The following STK40 variants were observed in gnomAD, a reference collection of about 807,000 sequenced individuals.
The protein encoded by STK40 is serine/threonine-protein kinase 40.
Under a neutral mutation model 47.9 loss-of-function variants are expected in STK40, and 13 were observed. That is an observed-to-expected ratio of 0.27 (90% CI 0.18 to 0.43). The LOEUF is 0.43. Among genes scored for constraint, STK40 ranks in the 20% least tolerant of loss-of-function variants. STK40 has a pLI of 1.00. For synonymous variants in STK40, 225 were observed against 243.2 expected, an observed-to-expected ratio of 0.93 and a Z score of 0.69; for missense variants, 460 against 595.1, an observed-to-expected ratio of 0.77 and a Z score of 2.36.
intron 1 of STK40, chr1:36,372,827 C>G (rs1201693578): frequency 2.6e-5 from 4 of 152,318 alleles, no homozygotes; most frequent in East Asian, 1.9e-4. Context: ...CCTCCACCAG[C>G]CAACAGGCAG....
In STK40 at chr1:36,358,275, C is replaced by A; in HGVS notation, c.306G>T (p.Thr102=). Residue 102 remains threonine (T), a synonymous_variant, in exon 4 of 11, where the codon ACG becomes ACT. Coordinates refer to ENST00000373132, the MANE Select transcript of STK40 (RefSeq NM_001282547.2). ...TEYSLLSLLH[T]QDGVVHHHGL... is the part of the protein sequence containing the mutation. Reference sequence around the variant, plus strand: ...CGTGGTGGTGCACCACGCCATCCTGCGTGTGCAGGAGAGACAGCAGTGAGT... The same window carrying A: ...CGTGGTGGTGCACCACGCCATCCTGAGTGTGCAGGAGAGACAGCAGTGAGT... 6.2e-7 allele frequency: 1 copy of A among 1,601,620 alleles called. No individual in the cohort carries two copies. The highest frequency in any genetic ancestry group is 1.1e-5 in the South Asian group (1 of 90,716).
At position 36,341,743 on chromosome 1, in the gene STK40, CGGCTGA is replaced by C. The variant is rs1557502142; in HGVS notation, c.*6_*11del. 2 of 1,608,694 alleles carry C rather than the reference CGGCTGA, an allele frequency of 1.2e-6. No individual in the cohort carries two copies. Among genetic ancestry groups the C allele is most frequent in the Non-Finnish European group, 1.7e-6 (2 of 1,177,524 alleles). ...GAAGTGGCAGCAGTGCTGGTGGCCC[CGGCTGA>C]GGCTGTTATTTCCGCAGGTAGCGCT... On this transcript the variant is annotated 3_prime_UTR_variant, in exon 11 of 11. Coordinates refer to ENST00000373132, the MANE Select transcript of STK40 (RefSeq NM_001282547.2).
intron 10 of STK40, chr1:36,342,908 T>G: frequency 2.1e-6 from 1 of 472,036 alleles, no homozygotes; most frequent in African/African-American, 2.0e-5. Flanking sequence ...TCACCTGCCC[T>G]CTGCTGCCTG....
intron 10 of STK40, chr1:36,342,203 G>A (rs1304302285): frequency 1.8e-6 from 1 of 565,476 alleles, no homozygotes; most frequent in Non-Finnish European, 3.2e-6. Context: ...ACCCGGGACT[G>A]ACGCAGACTC....
In STK40 at chr1:36,341,936, T is replaced by C; in HGVS notation, c.1127A>G (p.Glu376Gly). The C allele has an allele frequency of 6.2e-7, 1 of 1,614,000 alleles. No homozygotes were observed. Among genetic ancestry groups the C allele is most frequent in the Non-Finnish European group, 8.5e-7 (1 of 1,179,934 alleles). ...VTEECSQYEFENYMRQQLLLA... is the reference protein window; with the variant it reads ...VTEECSQYEFGNYMRQQLLLA... ...CAGCAGCTGCTGACGCATGTAGTTCTCAAACTCGTACTGGGAGCACTCCTC... is the reference window on the plus strand; with the variant it reads ...CAGCAGCTGCTGACGCATGTAGTTCCCAAACTCGTACTGGGAGCACTCCTC... Residue 376 changes from glutamate (E) to glycine (G), a missense_variant, in exon 11 of 11, where the codon GAG becomes GGG. Around this residue, in one of 3 missense-constraint regions of STK40, gnomAD observed 181 missense variants for 218.9 expected, o/e 0.83. Transcript: ENST00000373132.
chr1:36,376,929 C>T lies in STK40; in HGVS notation c.-9+8794G>A, dbSNP rs112045026. ...TAGCTGGGATTATAGGTGCTCACCA[C>T]CACACCTGGCTTTTTGTATTTTTAG... On this transcript the variant is annotated intron_variant, in intron 1 of 10. Transcript: ENST00000373132. Among the ~76,000 whole-genome samples, 414 of 151,956 alleles carry T rather than the reference C, an allele frequency of 2.7e-3. 4 individuals carry two copies. The highest frequency in any genetic ancestry group is 9.6e-3 in the African/African-American group (399 of 41,436).
rs1003336427 is a variant in STK40, at chr1:36,340,754, A to G, written c.*1001T>C. 2 of 152,412 alleles carry G rather than the reference A, an allele frequency of 1.3e-5. No homozygotes were observed. The highest frequency in any genetic ancestry group is 2.4e-5 in the African/African-American group (1 of 41,458). 9.4% of individuals were successfully genotyped at this position (152,412 alleles called of 1,614,324 possible). A position where few individuals can be genotyped will look rare whatever the true frequency, so the allele number is the denominator to read the frequency against. ...GTCTACCGGGAGAGTCACCACATCT[A>G]TTATGAGGCAAGGGCACTGGGATAT... On this transcript the variant is annotated 3_prime_UTR_variant, in exon 11 of 11. Coordinates refer to ENST00000373132, the MANE Select transcript of STK40 (RefSeq NM_001282547.2).
chr1:36,356,443 T>TGA (rs1646805749), intron 4 of STK40, among the ~76,000 whole-genome samples: 1 of 144,274 alleles, frequency 6.9e-6, no homozygotes, highest in Non-Finnish European at 1.5e-5. Flanking sequence ...TTTTTTTTTG[T>TGA]GAGACGGAGT....
At chr1:36,359,608 C>CT in intron 2 of STK40, among the ~76,000 whole-genome samples, 1 of 152,352 alleles carries the variant, frequency 6.6e-6, no homozygotes, top group East Asian at 1.9e-4. Flanking sequence ...CTTGCCCAAG[C>CT]TTTGAGAGTG....
chr1:36,363,168 G>A (rs978690691), intron 1 of STK40, among the ~76,000 whole-genome samples: 2 of 151,814 alleles, frequency 1.3e-5, no homozygotes, highest in Non-Finnish European at 2.9e-5. Context: ...AAAAAAATTA[G>A]CTGGGCATGA....
intron 1 of STK40, among the ~76,000 whole-genome samples, chr1:36,368,527 C>T (rs1445650008): frequency 6.6e-6 from 1 of 152,202 alleles, no homozygotes; most frequent in Non-Finnish European, 1.5e-5. Flanking sequence ...GCTAGGATTA[C>T]AGGCGTGAGC....
intron 6 of STK40, among the ~76,000 whole-genome samples, chr1:36,353,936 T>C (rs534768989): frequency 2.0e-5 from 3 of 152,284 alleles, no homozygotes; most frequent in East Asian, 1.9e-4. Flanking sequence ...AAAAAATATA[T>C]ATATTTTTGT....
At position 36,361,250 on chromosome 1, in the gene STK40, T is replaced by G. The variant is rs1646849993; in HGVS notation, c.83A>C (p.Asn28Thr). The change falls in exon 2 of 11, where the codon AAT becomes ACT. Residue 28 changes from asparagine to threonine, a missense_variant. By Grantham distance (65) the Asn-to-Thr change is moderately conservative. Around this residue, in one of 3 missense-constraint regions of STK40, gnomAD observed 277 missense variants for 358.7 expected, o/e 0.77. Transcript: ENST00000373132. The stretch of plus-strand genomic sequence containing the variant: ...GATGAATGGTCCAGCTCTCTTTGCA[T>G]TATTTCCAGAAATCCCACTTCCTAG... ...KALGSGISGN[N>T]AKRAGPFILG... 2 of 1,614,110 alleles carry G rather than the reference T, an allele frequency of 1.2e-6. No individual in the cohort carries two copies. Among genetic ancestry groups the G allele is most frequent in the African/African-American group, 2.7e-5 (2 of 74,936 alleles).
chr1:36,367,768 G>A, intron 1 of STK40: 2 of 978,434 alleles, frequency 2.0e-6, no homozygotes, highest in Non-Finnish European at 2.4e-6. Context: ...GCCTGGCCAA[G>A]GCATGGAGGG....
intron 1 of STK40, 35 bp from the exon 2 acceptor site, chr1:36,361,375 A>T: frequency 6.2e-7 from 1 of 1,612,494 alleles, no homozygotes; most frequent in Non-Finnish European, 8.5e-7. Flanking sequence ...CTCACTGAGT[A>T]AGTCAGCGAG....
chr1:36,348,308 C>T (rs10908300), intron 7 of STK40, among the ~76,000 whole-genome samples: 101,193 of 152,128 alleles, frequency 0.67, 34,493 homozygotes, highest in Middle Eastern at 0.8. Context: ...TCTGAGCAGC[C>T]TGCAATTGCT....
intron 2 of STK40, among the ~76,000 whole-genome samples, chr1:36,360,229 G>A (rs1030819721): frequency 2.5e-4 from 38 of 152,208 alleles, no homozygotes; most frequent in African/African-American, 8.9e-4. Context: ...CTGAATGACT[G>A]GAGCTGGAAC....
chr1:36,385,655 C>A (rs989389887), intron 1 of STK40, 68 bp downstream of exon 1: 4 of 154,068 alleles, frequency 2.6e-5, no homozygotes, highest in African/African-American at 9.6e-5. Context: ...ACCGCCGCGG[C>A]CGCCGGGGCC....
chr1:36,385,643 C>G (rs928896376), intron 1 of STK40, 80 bp downstream of exon 1: 1 of 154,002 alleles, frequency 6.5e-6, no homozygotes, highest in African/African-American at 2.4e-5. Context: ...CACTCCGATT[C>G]CACCGCCGCG....
Sources: gnomAD v4.1 joint callset for allele counts (sites outside exome capture counted in the v4.1 genomes callset) on GRCh38, gnomAD v4.1.1 for gene constraint, gnomAD v4.1.1 regional missense constraint, MANE v1.5 for transcripts, NCBI Gene and HGNC (gene_info 2026-07-23, HGNC 2026-07-21) for gene names.